Variants in ZBTB20 observed in about 807,000 individuals in gnomAD.
The protein encoded by ZBTB20 is zinc finger and BTB domain-containing protein 20.
Under a neutral mutation model 56.9 loss-of-function variants are expected in ZBTB20, and 9 were observed. The observed-to-expected ratio is 0.16, with a 90% CI of 0.10 to 0.28. The LOEUF (loss-of-function observed/expected upper bound fraction) is 0.28, where lower values mean the gene tolerates loss of function less well. ZBTB20 is among the 10% of genes least tolerant of loss of function. The pLI is 1.00. For synonymous variants in ZBTB20, 417 were observed against 420.7 expected (o/e 0.99, Z 0.11); for missense variants, 655 against 1,003.0 (o/e 0.65, Z 4.69).
At chr3:114,840,988 C>A (rs1224342710) in intron 4 of ZBTB20, among the ~76,000 whole-genome samples, 1 of 151,924 alleles carries the variant, frequency 6.6e-6, no homozygotes, top group African/African-American at 2.4e-5. Context: ...GCTATAATAT[C>A]ATTTGTAGCT....
chr3:114,631,565 G>A (rs1366721568), intron 6 of ZBTB20, among the ~76,000 whole-genome samples: 1 of 151,194 alleles, frequency 6.6e-6, no homozygotes, highest in African/African-American at 2.4e-5. Context: ...GCTAATTTTT[G>A]TATTTTTAGT....
At chr3:114,780,204 G>C (rs1323941599) in intron 5 of ZBTB20, among the ~76,000 whole-genome samples, 1 of 152,038 alleles carries the variant, frequency 6.6e-6, no homozygotes, top group East Asian at 1.9e-4. Context: ...TCTTCCCATA[G>C]GGACTTTTAA....
intron 6 of ZBTB20, among the ~76,000 whole-genome samples, chr3:114,564,671 T>C (rs1577594783): frequency 1.3e-5 from 2 of 152,330 alleles, no homozygotes; most frequent in South Asian, 4.1e-4. Context: ...CTGCTATCCT[T>C]AGCCAAAGAA....
At chr3:114,417,104 CTTCT>C (rs2088639848) in intron 7 of ZBTB20, among the ~76,000 whole-genome samples, 2 of 152,070 alleles carry the variant, frequency 1.3e-5, no homozygotes, top group African/African-American at 4.8e-5. Flanking sequence ...AAGGCGTTAA[CTTCT>C]TTGTTTTGTT....
At chr3:114,450,675 T>C (rs1046927101) in intron 7 of ZBTB20, among the ~76,000 whole-genome samples, 5 of 152,148 alleles carry the variant, frequency 3.3e-5, no homozygotes, top group Non-Finnish European at 5.9e-5. Flanking sequence ...AAACAGGATA[T>C]ATTATATGTA....
chr3:114,426,875 T>C (rs921671238), intron 7 of ZBTB20, among the ~76,000 whole-genome samples: 1 of 152,246 alleles, frequency 6.6e-6, no homozygotes, highest in African/African-American at 2.4e-5. Flanking sequence ...CAGCAAAATA[T>C]GGTATTTAAT....
chr3:114,443,020 C>T (rs2108974702), intron 7 of ZBTB20, among the ~76,000 whole-genome samples: 1 of 152,074 alleles, frequency 6.6e-6, no homozygotes, highest in Non-Finnish European at 1.5e-5. Flanking sequence ...CTATACTTGC[C>T]CTCTTCTTCA....
rs899540616 is a variant in ZBTB20, at chr3:114,715,292, G to T, written c.-342-21717C>A. Among the ~76,000 whole-genome samples, 23 of 152,294 alleles carry T rather than the reference G, an allele frequency of 1.5e-4. No homozygotes were observed. The East Asian group carries it at 4.2e-3, about 28-fold the overall frequency. ...TCGTTTCTTTCCCTAACAACCCGAG[G>T]TGGAATGAAGAAGAATTTCGGTAGC... On this transcript the variant is annotated intron_variant, in intron 5 of 11. Transcript: ENST00000675478.
intron 1 of ZBTB20, chr3:115,100,724 A>AT (rs1328417955): frequency 7.2e-5 from 11 of 152,230 alleles, no homozygotes; most frequent in Admixed American, 7.2e-4. Flanking sequence ...TCATAAATAC[A>AT]TTTTTTGCAT....
At chr3:114,506,472 A>G (rs1399957267) in intron 6 of ZBTB20, among the ~76,000 whole-genome samples, 1 of 152,106 alleles carries the variant, frequency 6.6e-6, no homozygotes, top group Non-Finnish European at 1.5e-5. Flanking sequence ...TAGTGCTGGG[A>G]GGGGTGGCAA....
intron 4 of ZBTB20, among the ~76,000 whole-genome samples, chr3:114,848,881 A>G (rs2074854067): frequency 1.3e-5 from 2 of 152,304 alleles, no homozygotes; most frequent in South Asian, 4.1e-4. Flanking sequence ...TACAAATCCA[A>G]TCAGCAGGAT....
intron 1 of ZBTB20, among the ~76,000 whole-genome samples, chr3:115,092,694 C>T (rs1301642969): frequency 6.6e-6 from 1 of 152,012 alleles, no homozygotes; most frequent in Non-Finnish European, 1.5e-5. Flanking sequence ...CCATAGTAAC[C>T]ATGCTGCACT....
intron 6 of ZBTB20, among the ~76,000 whole-genome samples, chr3:114,606,562 C>T (rs530614983): frequency 3.9e-5 from 6 of 152,034 alleles, no homozygotes; most frequent in Non-Finnish European, 8.8e-5. Flanking sequence ...CATGGGCTTC[C>T]CTGAAGTGTG....
chr3:114,611,946 A>G (rs896455487), intron 6 of ZBTB20, among the ~76,000 whole-genome samples: 3 of 152,206 alleles, frequency 2.0e-5, no homozygotes, highest in Non-Finnish European at 4.4e-5. Flanking sequence ...ACCCACAAAA[A>G]ATAAATCTGG....
At chr3:115,101,370 C>A (rs1398921726) in intron 1 of ZBTB20, among the ~76,000 whole-genome samples, 1 of 152,056 alleles carries the variant, frequency 6.6e-6, no homozygotes, top group Admixed American at 6.6e-5. Flanking sequence ...TATTCTAGTT[C>A]CAAAATTATG....
chr3:114,782,070 T>C (rs1329621957), intron 5 of ZBTB20, among the ~76,000 whole-genome samples: 1 of 152,196 alleles, frequency 6.6e-6, no homozygotes, highest in Non-Finnish European at 1.5e-5. Flanking sequence ...TCTTCTGATA[T>C]GGAGAACATG....
intron 5 of ZBTB20, among the ~76,000 whole-genome samples, chr3:114,722,704 T>C (rs1040067841): frequency 3.3e-5 from 5 of 152,202 alleles, no homozygotes; most frequent in Admixed American, 2.0e-4. Context: ...AATCACACTC[T>C]CTTCCATCCT....
chr3:114,413,497 T>C (rs979769150), intron 7 of ZBTB20, among the ~76,000 whole-genome samples: 2 of 152,164 alleles, frequency 1.3e-5, no homozygotes, highest in African/African-American at 4.8e-5. Context: ...ATTCTTTAAG[T>C]TAGCAACAAG....
intron 7 of ZBTB20, among the ~76,000 whole-genome samples, chr3:114,402,698 G>A (rs534580729): frequency 1.2e-4 from 18 of 152,250 alleles, no homozygotes; most frequent in South Asian, 6.2e-4. Flanking sequence ...TAAATTGTTC[G>A]TAGAGTTGGA....
Sources: gnomAD v4.1 joint callset for allele counts (sites outside exome capture counted in the v4.1 genomes callset) on GRCh38, gnomAD v4.1.1 for gene constraint, MANE v1.5 for transcripts, NCBI Gene and HGNC (gene_info 2026-07-23, HGNC 2026-07-21) for gene names.